Variants in ANXA3 observed in about 807,000 individuals in gnomAD.
ANXA3 encodes 35-alpha calcimedin.
In ANXA3, 46 loss-of-function variants were observed where a neutral mutation model predicts 48.8. The ratio of observed to expected loss-of-function variants is 0.94; its 90% CI spans 0.74 to 1.21. The LOEUF is 1.21. Ranked by LOEUF, ANXA3 falls within the 50% of genes most tolerant of loss-of-function variation. The pLI, the probability that ANXA3 is intolerant of heterozygous loss-of-function variation, is 0.00. For missense variants in ANXA3, 383 were observed against 378.6 expected (o/e 1.01, Z -0.10); for synonymous variants, 128 against 134.7 (o/e 0.95, Z 0.35).
At chr4:78,597,535 A>G in intron 10 of ANXA3, 121 bp downstream of exon 10, 1 of 637,142 alleles carries the variant, frequency 1.6e-6, no homozygotes. Flanking sequence ...TACAGCCCCC[A>G]ACATGGTCCA....
At chr4:78,581,326 C>T (rs541364074) in intron 4 of ANXA3, among the ~76,000 whole-genome samples, 74 of 152,260 alleles carry the variant, frequency 4.9e-4, no homozygotes, top group South Asian at 1.7e-3. Context: ...AACCCTGTTA[C>T]CCCCCTTTAA....
At chr4:78,555,232 T>C (rs919992533) in intron 2 of ANXA3, among the ~76,000 whole-genome samples, 1 of 151,994 alleles carries the variant, frequency 6.6e-6, no homozygotes, top group African/African-American at 2.4e-5. Flanking sequence ...GAAAGAAATA[T>C]GAATGGATTG....
At chr4:78,576,041 C>A (rs745945285) in intron 3 of ANXA3, among the ~76,000 whole-genome samples, 8 of 152,094 alleles carry the variant, frequency 5.3e-5, no homozygotes, top group Non-Finnish European at 1.0e-4. Flanking sequence ...TTTCTCTTCT[C>A]TGTTATGCTT....
intron 10 of ANXA3, 70 bp from the exon 11 acceptor site, chr4:78,601,440 C>G (rs1012987898): frequency 1.8e-5 from 25 of 1,419,460 alleles, no homozygotes; most frequent in Non-Finnish European, 2.3e-5. Flanking sequence ...TTTTAAAAAA[C>G]ATATTACTTA....
chr4:78,597,258 G>A, intron 9 of ANXA3, 61 bp from the exon 10 acceptor site: 1 of 1,101,032 alleles, frequency 9.1e-7, no homozygotes, highest in East Asian at 2.5e-5. Flanking sequence ...TAAAAAACTA[G>A]AATATATTCA....
chr4:78,585,802 G>A (rs560047528), intron 5 of ANXA3, among the ~76,000 whole-genome samples: 3 of 152,294 alleles, frequency 2.0e-5, no homozygotes, highest in Non-Finnish European at 4.4e-5. Flanking sequence ...TGCCAGCCAG[G>A]CCCATGATGC....
chr4:78,568,860 A>T (rs1366734106), intron 2 of ANXA3, among the ~76,000 whole-genome samples: 4 of 152,224 alleles, frequency 2.6e-5, no homozygotes, highest in Non-Finnish European at 4.4e-5. Flanking sequence ...GTCTTGAAAA[A>T]GATGGTTTAA....
At chr4:78,601,602 T>A (rs769634202) in intron 11 of ANXA3, 34 bp downstream of exon 11, 6 of 1,561,506 alleles carry the variant, frequency 3.8e-6, no homozygotes, top group Non-Finnish European at 5.3e-6. Flanking sequence ...ATTCTTAGCG[T>A]CCCTTAATTC....
chr4:78,609,637 A>G (rs753793982), intron 12 of ANXA3, among the ~76,000 whole-genome samples: 2 of 152,204 alleles, frequency 1.3e-5, no homozygotes, highest in Non-Finnish European at 2.9e-5. Flanking sequence ...TATCTGTTAA[A>G]TGGGGGATAC....
Position 78,558,235 on chromosome 4 carries a change from G to A in ANXA3, c.15+3747G>A, listed in dbSNP as rs1330271358. Among the ~76,000 whole-genome samples the A allele has an allele frequency of 2.6e-5, 4 of 152,230 alleles. No homozygotes were observed. In the East Asian group the frequency reaches 5.8e-4, roughly 22 times the overall value. ...AGACTGGTCGTTAGGAATGAATAAG[G>A]AAAGAGAAAAAGAGGAGTTGTTTAA... is the stretch of plus-strand genomic sequence containing the variant. On this transcript the variant is annotated intron_variant, in intron 2 of 12. Transcript: ENST00000264908.
intron 3 of ANXA3, among the ~76,000 whole-genome samples, chr4:78,575,732 T>C (rs1432820586): frequency 6.6e-6 from 1 of 152,260 alleles, no homozygotes; most frequent in African/African-American, 2.4e-5. Context: ...GTTTTAAATT[T>C]TAGTGAAATC....
At position 78,586,252 on chromosome 4, in the gene ANXA3, C is replaced by CT; in HGVS notation, c.313-3dup. 1 of 1,609,748 alleles carries CT rather than the reference C, an allele frequency of 6.2e-7. No individual in the cohort carries two copies. The highest frequency in any genetic ancestry group is 1.3e-5 in the African/African-American group (1 of 74,762). On this transcript the variant is annotated splice_region_variant and splice_polypyrimidine_tract_variant and intron_variant, in intron 5 of 12. Coordinates refer to ENST00000264908, the MANE Select transcript of ANXA3 (RefSeq NM_005139.3). ...GTTCTAAAAATTAGATTTTCTTTTC[C>CT]TTTTTAGGGCGCGGGAACAAACGAA...
intron 5 of ANXA3, among the ~76,000 whole-genome samples, chr4:78,584,192 T>G (rs1723127696): frequency 6.6e-6 from 1 of 152,242 alleles, no homozygotes; most frequent in Non-Finnish European, 1.5e-5. Context: ...TATTTATTTG[T>G]TTTTGAGACA....
chr4:78,581,463 T>C (rs1453689939), intron 4 of ANXA3, among the ~76,000 whole-genome samples: 1 of 152,096 alleles, frequency 6.6e-6, no homozygotes, highest in Non-Finnish European at 1.5e-5. Flanking sequence ...AACAATAATA[T>C]AGTTTCAAAT....
rs752114999 is a variant in ANXA3, at chr4:78,604,404, G to A, written c.912+5G>A. ...TCCCTATATTCAGCAATTAAAGTAA[G>A]TCTACTTTTAAAAATAGCAAAACAT... is the stretch of plus-strand genomic sequence containing the variant. On this transcript the variant is annotated splice_donor_5th_base_variant and intron_variant, in intron 12 of 12. Transcript: ENST00000264908. 1.2e-6 allele frequency: 2 copies of A among 1,606,630 alleles called. No individual in the cohort carries two copies. Among genetic ancestry groups the A allele is most frequent in the Non-Finnish European group, 1.7e-6 (2 of 1,174,814 alleles).
Position 78,601,369 on chromosome 4 carries a change from C to T in ANXA3, c.731-141C>T, listed in dbSNP as rs573326516. 79 of 664,738 alleles carry T rather than the reference C, an allele frequency of 1.2e-4. No homozygotes were observed. In the South Asian group the frequency reaches 1.5e-3, roughly 12 times the overall value. The allele number at this position is 664,738 out of a possible 1,614,324, so 41.2% of individuals were successfully genotyped here. A position where few individuals can be genotyped will look rare whatever the true frequency, so the allele number is the denominator to read the frequency against. ...AAATCAGGGTAAGCAGCCTTTCTTT[C>T]ATTCCAAGTAAAAGCCAGTTGTGGG... On this transcript the variant is annotated intron_variant, in intron 10 of 12. Transcript: ENST00000264908.
chr4:78,578,085 C>G (rs1722993049), intron 3 of ANXA3, among the ~76,000 whole-genome samples: 1 of 151,546 alleles, frequency 6.6e-6, no homozygotes, highest in Admixed American at 6.6e-5. Context: ...TCGAGACCAG[C>G]CTGATCAACA....
At chr4:78,564,150 C>T (rs1722682169) in intron 2 of ANXA3, among the ~76,000 whole-genome samples, 2 of 152,088 alleles carry the variant, frequency 1.3e-5, no homozygotes, top group Admixed American at 6.6e-5. Context: ...CTGGGGAGGC[C>T]AAGTGTTTCA....
In ANXA3 at chr4:78,582,170, A is replaced by G. The variant is rs1489699463; in HGVS notation, c.199-7A>G. 2 of 1,589,996 alleles carry G rather than the reference A, an allele frequency of 1.3e-6. No homozygotes were observed. Among genetic ancestry groups the G allele is most frequent in the East Asian group, 2.2e-5 (1 of 44,576 alleles). ...TCACATTTTTCCCCTTGGTTTTTTGATTTTAGGAGCTGAAAGATGACTTGA... is the reference window on the plus strand; with the variant it reads ...TCACATTTTTCCCCTTGGTTTTTTGGTTTTAGGAGCTGAAAGATGACTTGA... On this transcript the variant is annotated splice_region_variant and splice_polypyrimidine_tract_variant and intron_variant, in intron 4 of 12. Coordinates refer to ENST00000264908, the MANE Select transcript of ANXA3 (RefSeq NM_005139.3).
Sources: gnomAD v4.1 joint callset for allele counts (sites outside exome capture counted in the v4.1 genomes callset) on GRCh38, gnomAD v4.1.1 for gene constraint, MANE v1.5 for transcripts, NCBI Gene and HGNC (gene_info 2026-07-23, HGNC 2026-07-21) for gene names.